The following CFAP418 variants were observed in gnomAD, a reference collection of about 807,000 sequenced individuals.
CFAP418 encodes the protein cilia and flagella associated protein 418.
Under a neutral mutation model 24.7 loss-of-function variants are expected in CFAP418, and 27 were observed. The ratio of observed to expected loss-of-function variants is 1.09; its 90% CI spans 0.81 to 1.51. The LOEUF is 1.51. Ranked by LOEUF, CFAP418 falls within the 40% of genes most tolerant of loss-of-function variation. The probability of loss-of-function intolerance (pLI) is 0.00; values close to 1 mark genes in which losing one functional copy is unlikely to be tolerated. For synonymous variants in CFAP418, 74 were observed against 87.3 expected (o/e 0.85, Z 0.85); for missense variants, 257 against 255.2 (o/e 1.01, Z -0.05).
At chr8:95,253,210 T>C (rs1476317885) in intron 4 of CFAP418, among the ~76,000 whole-genome samples, 1 of 151,916 alleles carries the variant, frequency 6.6e-6, no homozygotes, top group Non-Finnish European at 1.5e-5. Context: ...CTCAGGAGGC[T>C]GAGGCAGGAG....
At chr8:95,251,953 C>T (rs1275520672) in intron 5 of CFAP418, among the ~76,000 whole-genome samples, 1 of 152,096 alleles carries the variant, frequency 6.6e-6, no homozygotes, top group Non-Finnish European at 1.5e-5. Flanking sequence ...ATTACAAAGG[C>T]TATGATGTCA....
chr8:95,255,117 C>A (rs1421723798), intron 4 of CFAP418, among the ~76,000 whole-genome samples: 2 of 152,182 alleles, frequency 1.3e-5, no homozygotes. Context: ...CCTCCAACTC[C>A]CAAGCCATTT....
At chr8:95,263,026 G>A (rs1180415424) in intron 2 of CFAP418, among the ~76,000 whole-genome samples, 4 of 152,148 alleles carry the variant, frequency 2.6e-5, no homozygotes, top group African/African-American at 9.7e-5. Flanking sequence ...AAGTATAAAT[G>A]TATGGATGGA....
intron 4 of CFAP418, among the ~76,000 whole-genome samples, chr8:95,254,632 C>T (rs1176303769): frequency 6.6e-6 from 1 of 152,100 alleles, no homozygotes; most frequent in East Asian, 1.9e-4. Flanking sequence ...ACAGGAATGC[C>T]CCAAATCCAA....
At chr8:95,264,027 C>T (rs1811935377) in intron 1 of CFAP418, among the ~76,000 whole-genome samples, 1 of 152,082 alleles carries the variant, frequency 6.6e-6, no homozygotes, top group African/African-American at 2.4e-5. Context: ...CAGCTATATA[C>T]ATTATATTCA....
chr8:95,247,824 ATT>A, intron 5 of CFAP418, 54 bp from the exon 6 acceptor site: 1 of 1,267,056 alleles, frequency 7.9e-7, no homozygotes, highest in Non-Finnish European at 1.1e-6. Context: ...GTGCTTAATG[ATT>A]AAAAAAAAAA....
intron 2 of CFAP418, among the ~76,000 whole-genome samples, chr8:95,261,777 C>T (rs1811896079): frequency 6.6e-6 from 1 of 152,114 alleles, no homozygotes; most frequent in Non-Finnish European, 1.5e-5. Context: ...TATCTTAAAG[C>T]CAAACCAGAG....
intron 4 of CFAP418, among the ~76,000 whole-genome samples, chr8:95,259,427 A>G (rs573372258): frequency 6.6e-6 from 1 of 152,306 alleles, no homozygotes; most frequent in East Asian, 1.9e-4. Flanking sequence ...AACATGTAAA[A>G]TCAAGCAACT....
intron 2 of CFAP418, 50 bp downstream of exon 2, chr8:95,263,637 T>G (rs372022413): frequency 1.7e-6 from 2 of 1,159,406 alleles, no homozygotes; most frequent in South Asian, 2.5e-5. Flanking sequence ...ATTCTAAACA[T>G]GTCTTGAAAT....
In CFAP418 at chr8:95,263,664, CATATTT is replaced by C. The variant is rs755169866; in HGVS notation, c.243+17_243+22del. On this transcript the variant is annotated intron_variant, in intron 2 of 5. Transcript: ENST00000286688. Reference sequence around the variant, plus strand: ...TCTTGAAATAATGACAGAATTACTACATATTTATAACACTTGACTTACAGAGGGTTT... The same window carrying C: ...TCTTGAAATAATGACAGAATTACTACATAACACTTGACTTACAGAGGGTTT... 1.3e-5 allele frequency: 18 copies of C among 1,418,014 alleles called. No individual in the cohort carries two copies. The highest frequency in any genetic ancestry group is 1.8e-5 in the Non-Finnish European group (18 of 1,004,202). The allele number at this position is 1,418,014 out of a possible 1,614,324, so 87.8% of individuals were successfully genotyped here.
Position 95,252,243 on chromosome 8 carries a change from C to A in CFAP418, c.415G>T (p.Val139Leu), listed in dbSNP as rs763097841. 6.2e-7 allele frequency: 1 copy of A among 1,613,642 alleles called. No individual in the cohort carries two copies. The highest frequency in any genetic ancestry group is 8.5e-7 in the Non-Finnish European group (1 of 1,179,788). ...HLRCIACDFL[V>L]VSYDDYMWDK... ...CACATATAGTCATCATAGCTGACTA[C>A]CAAGAAATCACAGGCTATACAACGC... is the stretch of plus-strand genomic sequence containing the variant. Residue 139 changes from valine to leucine, a missense_variant, in exon 5 of 6, where the codon GTA becomes TTA. Coordinates refer to ENST00000286688, the MANE Select transcript of CFAP418 (RefSeq NM_177965.4).
At chr8:95,258,611 A>G (rs1811834296) in intron 4 of CFAP418, among the ~76,000 whole-genome samples, 1 of 152,172 alleles carries the variant, frequency 6.6e-6, no homozygotes, top group Non-Finnish European at 1.5e-5. Flanking sequence ...AGCCTAAGCT[A>G]CAGTGTTTAT....
intron 2 of CFAP418, among the ~76,000 whole-genome samples, chr8:95,262,938 G>A (rs939276421): frequency 3.9e-5 from 6 of 152,148 alleles, no homozygotes; most frequent in Admixed American, 3.9e-4. Flanking sequence ...TCAGGGAAGT[G>A]GATAAACTGT....
chr8:95,261,528 G>A (rs1811891989), intron 2 of CFAP418, among the ~76,000 whole-genome samples: 1 of 152,082 alleles, frequency 6.6e-6, no homozygotes, highest in African/African-American at 2.4e-5. Flanking sequence ...TGCGGTAAGG[G>A]AGTAGTATTG....
At chr8:95,248,500 T>A (rs1017504126) in intron 5 of CFAP418, among the ~76,000 whole-genome samples, 1 of 152,122 alleles carries the variant, frequency 6.6e-6, no homozygotes, top group Non-Finnish European at 1.5e-5. Context: ...CTATAGAAAA[T>A]TTTCATTAGC....
At chr8:95,260,711 G>A (rs1811873549) in intron 2 of CFAP418, among the ~76,000 whole-genome samples, 179 bp from the exon 3 acceptor site, 1 of 152,184 alleles carries the variant, frequency 6.6e-6, no homozygotes, top group Non-Finnish European at 1.5e-5. Context: ...CAAAAGGGAA[G>A]TAGAACTCCC....
At position 95,269,109 on chromosome 8, in the gene CFAP418, G is replaced by T. The variant is rs1812100848; in HGVS notation, c.81C>A (p.Val27=). The T allele has an allele frequency of 6.2e-7, 1 of 1,614,170 alleles. No homozygotes were observed. Among genetic ancestry groups the T allele is most frequent in the Non-Finnish European group, 8.5e-7 (1 of 1,180,028 alleles). The change falls in exon 1 of 6, where the codon GTC becomes GTA. Residue 27 remains valine (V), a synonymous_variant. Transcript: ENST00000286688. ...CGCCGCCGCAGCCTTTGGGCTGCTC[G>T]ACCATACCCCGTCTTAGAAGGTCAG... The part of the protein sequence containing the change: ...CTPDLLRRGM[V]EQPKGCGGGT...
intron 4 of CFAP418, among the ~76,000 whole-genome samples, chr8:95,252,645 T>A (rs2132155579): frequency 6.6e-6 from 1 of 152,330 alleles, no homozygotes; most frequent in African/African-American, 2.4e-5. Context: ...CCCTTCCTAC[T>A]GAAATTTTCA....
At chr8:95,255,184 C>G (rs1343423435) in intron 4 of CFAP418, among the ~76,000 whole-genome samples, 2 of 152,162 alleles carry the variant, frequency 1.3e-5, no homozygotes, top group East Asian at 1.9e-4. Context: ...CCATTGAACA[C>G]AGGACAAACT....
Sources: allele counts gnomAD v4.1 joint callset (sites outside exome capture counted in the v4.1 genomes callset), GRCh38; gene constraint gnomAD v4.1.1; transcripts MANE v1.5; gene names NCBI Gene and HGNC (gene_info 2026-07-23, HGNC 2026-07-21).